FAT3: variants seen among roughly 807,000 people sequenced by gnomAD.
FAT3 encodes FAT atypical cadherin 3.
A neutral mutation model predicts 310.2 loss-of-function variants in FAT3; 95 were observed. The observed-to-expected ratio is 0.31, with a 90% confidence interval of 0.26 to 0.36. The LOEUF is 0.36. FAT3 is among the 10% of genes least tolerant of loss of function. The pLI, the probability that FAT3 is intolerant of heterozygous loss-of-function variation, is 1.00. For missense variants in FAT3, 5,408 were observed against 5,715.6 expected, an observed-to-expected ratio of 0.95 and a Z score of 1.74; for synonymous variants, 2,314 against 2,192.9, an observed-to-expected ratio of 1.06 and a Z score of -1.54.
chr11:92,802,808 G>T (rs2136192980), intron 10 of FAT3, among the ~76,000 whole-genome samples: 1 of 152,288 alleles, frequency 6.6e-6, no homozygotes, highest in East Asian at 1.9e-4. Flanking sequence ...CATTCAGAGT[G>T]AAAAATGAAT....
chr11:92,565,364 A>G (rs1046610327), intron 3 of FAT3, among the ~76,000 whole-genome samples: 4 of 130,736 alleles, frequency 3.1e-5, no homozygotes, highest in African/African-American at 1.0e-4. Flanking sequence ...GAATAGACCA[A>G]TAACAGGATC....
chr11:92,270,956 G>A (rs1164416777), intron 1 of FAT3, among the ~76,000 whole-genome samples: 1 of 151,866 alleles, frequency 6.6e-6, no homozygotes, highest in South Asian at 2.1e-4. Flanking sequence ...CAATCCATTA[G>A]CAAAGCCTGT....
chr11:92,602,116 C>T (rs564567976), intron 3 of FAT3, among the ~76,000 whole-genome samples: 1 of 151,982 alleles, frequency 6.6e-6, no homozygotes, highest in South Asian at 2.1e-4. Flanking sequence ...TCTTGTCATC[C>T]AGGCCAGAGT....
chr11:92,764,998 C>T lies in FAT3; in HGVS notation c.4104C>T (p.Asn1368=). The T allele has an allele frequency of 1.9e-6, 3 of 1,613,876 alleles. No individual in the cohort carries two copies. The highest frequency in any genetic ancestry group is 2.5e-6 in the Non-Finnish European group (3 of 1,179,842). Reference sequence around the variant, plus strand: ...TGACCTTCGATGAGCCGTTTTATAACTTCACAGTCATGGAAAGTGATAGAG... The same window carrying T: ...TGACCTTCGATGAGCCGTTTTATAATTTCACAGTCATGGAAAGTGATAGAG... ...IPLTFDEPFY[N]FTVMESDRVT... The change falls in exon 6 of 28, where the codon AAC becomes AAT. Residue 1368 remains asparagine, a synonymous_variant. Transcript: ENST00000525166.
chr11:92,433,941 G>A (rs893357066), intron 2 of FAT3, among the ~76,000 whole-genome samples: 20 of 151,658 alleles, frequency 1.3e-4, no homozygotes, highest in African/African-American at 4.1e-4. Context: ...GCGTGAACCC[G>A]GGAGGTGGAG....
At chr11:92,722,200 T>C (rs1341677822) in intron 4 of FAT3, among the ~76,000 whole-genome samples, 1 of 152,134 alleles carries the variant, frequency 6.6e-6, no homozygotes, top group African/African-American at 2.4e-5. Flanking sequence ...ACTTTCTAGA[T>C]ATAATGGCAG....
intron 2 of FAT3, among the ~76,000 whole-genome samples, chr11:92,489,927 A>G (rs1242325069): frequency 6.7e-6 from 1 of 150,024 alleles, no homozygotes; most frequent in Non-Finnish European, 1.5e-5. Flanking sequence ...GCAGCGAAAG[A>G]GGCAGCTCAG....
At chr11:92,362,323 T>A (rs1175361745) in intron 2 of FAT3, among the ~76,000 whole-genome samples, 2 of 152,232 alleles carry the variant, frequency 1.3e-5, no homozygotes, top group Non-Finnish European at 2.9e-5. Flanking sequence ...ATTATTCCAA[T>A]AATAAATAAG....
In FAT3 at chr11:92,867,087, G is replaced by C. The variant is rs1227402217; in HGVS notation, c.12005G>C (p.Arg4002Pro). ...AATGAGCTGCCGCTGCAGAACAAGCGCAGCAGCTTCGCGGAGGTGGTGGGC... is the reference window on the plus strand; with the variant it reads ...AATGAGCTGCCGCTGCAGAACAAGCCCAGCAGCTTCGCGGAGGTGGTGGGC... ...NNNELPLQNK[R>P]SSFAEVVGLT... is the part of the protein sequence containing the mutation. The change falls in exon 22 of 28, where the codon CGC becomes CCC. Residue 4002 changes from arginine (R) to proline (P), a missense_variant. Around this residue, in one of 5 missense-constraint regions of FAT3, gnomAD observed 4,588 missense variants for 4,809.8 expected, o/e 0.95. Coordinates refer to ENST00000525166, the MANE Select transcript of FAT3 (RefSeq NM_001367949.2). 6.3e-7 allele frequency: 1 copy of C among 1,596,240 alleles called. No homozygotes were observed. Among genetic ancestry groups the C allele is most frequent in the Non-Finnish European group, 8.5e-7 (1 of 1,171,866 alleles).
intron 2 of FAT3, chr11:92,400,189 C>T (rs1466355454): frequency 1.3e-5 from 2 of 152,094 alleles, no homozygotes; most frequent in African/African-American, 2.4e-5. Context: ...AAGACATATG[C>T]ATAATTTCAT....
At position 92,368,768 on chromosome 11, in the gene FAT3, G is replaced by A. The variant is rs1949090061; in HGVS notation, c.3292+13364G>A. 2.0e-5 allele frequency among the ~76,000 whole-genome samples: 3 copies of A among 151,622 alleles called. No individual in the cohort carries two copies. In the South Asian group the frequency reaches 6.2e-4, roughly 31 times the overall value. ...GCTGGGTGTCTCAGTGCAATGGATA[G>A]TGGGAGTGGTTTTGGAAGCCATTTC... On this transcript the variant is annotated intron_variant, in intron 2 of 27. Coordinates refer to ENST00000525166, the MANE Select transcript of FAT3 (RefSeq NM_001367949.2).
At chr11:92,414,689 C>T (rs1385026335) in intron 2 of FAT3, among the ~76,000 whole-genome samples, 1 of 152,218 alleles carries the variant, frequency 6.6e-6, no homozygotes, top group Non-Finnish European at 1.5e-5. Flanking sequence ...ACAAAACACA[C>T]TACCCTCTTG....
chr11:92,452,975 T>C lies in FAT3; in HGVS notation c.3293-71659T>C, dbSNP rs896233930. Among the ~76,000 whole-genome samples, 3 of 152,092 alleles carry C rather than the reference T, an allele frequency of 2.0e-5. No individual in the cohort carries two copies. In the East Asian group the frequency reaches 5.8e-4, roughly 29 times the overall value. ...TTTTTGTAGAGATGGGGTTTCACCATGTTGCCCAGGCTGATCTTGAACTCC... is the reference window on the plus strand; with the variant it reads ...TTTTTGTAGAGATGGGGTTTCACCACGTTGCCCAGGCTGATCTTGAACTCC... On this transcript the variant is annotated intron_variant, in intron 2 of 27. Coordinates refer to ENST00000525166, the MANE Select transcript of FAT3 (RefSeq NM_001367949.2).
chr11:92,466,772 G>A lies in FAT3; in HGVS notation c.3293-57862G>A, dbSNP rs1166671127. On this transcript the variant is annotated intron_variant, in intron 2 of 27. Transcript: ENST00000525166. ...AACAGTCCCCAGAGTGTGATGTTCC[G>A]CTTCCTGTGTCCATGTGTTCTCATT... 3.7e-4 allele frequency among the ~76,000 whole-genome samples: 45 copies of A among 121,668 alleles called. No individual in the cohort carries two copies. The East Asian group carries it at 5.0e-3, about 14-fold the overall frequency. The allele number at this position is 121,668 out of a possible 152,430, so 79.8% of individuals were successfully genotyped here.
intron 4 of FAT3, among the ~76,000 whole-genome samples, chr11:92,705,988 ATGGTGG>A (rs777945292): frequency 5.9e-4 from 59 of 100,654 alleles, no homozygotes; most frequent in African/African-American, 1.8e-3. Flanking sequence ...AGTGATGGTG[ATGGTGG>A]TGGTGGTGGT....
In FAT3 at chr11:92,672,756, G is replaced by A. The variant is rs79317891; in HGVS notation, c.3608-24628G>A. 3.6e-3 allele frequency among the ~76,000 whole-genome samples: 547 copies of A among 152,314 alleles called. 4 individuals carry two copies. Among genetic ancestry groups the A allele is most frequent in the African/African-American group, 0.013 (526 of 41,566 alleles). On this transcript the variant is annotated intron_variant, in intron 3 of 27. Coordinates refer to ENST00000525166, the MANE Select transcript of FAT3 (RefSeq NM_001367949.2). ...TCTTTGGAAGACAAAGGAGAGGTCA[G>A]TGTTTGTCATCACATATTCCAAGAG...
At chr11:92,416,078 A>G (rs1257627936) in intron 2 of FAT3, among the ~76,000 whole-genome samples, 66 of 148,408 alleles carry the variant, frequency 4.4e-4, no homozygotes, top group African/African-American at 1.5e-3. Context: ...GCCTAAAAAA[A>G]AAAAAAAAAA....
chr11:92,473,437 A>G (rs1951964211), intron 2 of FAT3, among the ~76,000 whole-genome samples: 2 of 151,868 alleles, frequency 1.3e-5, no homozygotes, highest in South Asian at 4.2e-4. Context: ...TTTCTTTGAG[A>G]CCCTTTTTTA....
intron 2 of FAT3, among the ~76,000 whole-genome samples, chr11:92,482,025 A>G (rs1233409839): frequency 6.6e-6 from 1 of 152,174 alleles, no homozygotes; most frequent in Non-Finnish European, 1.5e-5. Flanking sequence ...AATAACATTT[A>G]ACTTGCTTAC....
Sources: allele counts gnomAD v4.1 joint callset (sites outside exome capture counted in the v4.1 genomes callset), GRCh38; gene constraint gnomAD v4.1.1; regional missense constraint gnomAD v4.1.1; transcripts MANE v1.5; gene names NCBI Gene and HGNC (gene_info 2026-07-23, HGNC 2026-07-21).